FHIT: variants seen among roughly 807,000 people sequenced by gnomAD.
FHIT encodes the protein fragile histidine triad diadenosine triphosphatase.
FHIT carries 19 observed loss-of-function variants against 17.9 expected under a neutral mutation model. The observed-to-expected ratio is 1.06, with a 90% CI of 0.74 to 1.56. The LOEUF (loss-of-function observed/expected upper bound fraction) is 1.56, where lower values mean the gene tolerates loss of function less well. Among genes scored for constraint, FHIT ranks in the 40% most tolerant of loss-of-function variants. The pLI is 0.00. For synonymous variants in FHIT, 81 were observed against 69.7 expected, an observed-to-expected ratio of 1.16 and a Z score of -0.81; for missense variants, 248 against 189.2, an observed-to-expected ratio of 1.31 and a Z score of -1.82.
intron 5 of FHIT, among the ~76,000 whole-genome samples, chr3:60,291,510 C>T (rs1042091776): frequency 5.3e-5 from 8 of 152,122 alleles, no homozygotes; most frequent in African/African-American, 1.9e-4. Context: ...CCCCAGGTAG[C>T]CCTTTTCTGT....
At chr3:60,066,547 A>C (rs1056440325) in intron 5 of FHIT, among the ~76,000 whole-genome samples, 1 of 151,462 alleles carries the variant, frequency 6.6e-6, no homozygotes, top group Non-Finnish European at 1.5e-5. Context: ...CAAAACGCCA[A>C]CATAACTTCT....
rs564550234 is a variant in FHIT at position 61,142,990 on chromosome 3, A to AT, written c.-164+57626dup. On this transcript the variant is annotated intron_variant, in intron 2 of 9. Coordinates refer to ENST00000492590, the MANE Select transcript of FHIT (RefSeq NM_002012.4). ...TAAAATTGTGTTTCTTTACCAGGGA[A>AT]TTTTTTTTTATCTTTAGTAAATTTC... is the stretch of plus-strand genomic sequence containing the variant. Among the ~76,000 whole-genome samples the AT allele has an allele frequency of 7.2e-5, 11 of 151,872 alleles. No homozygotes were observed. The South Asian group carries it at 1.7e-3, about 23-fold the overall frequency.
At chr3:60,486,690 GT>G (rs1200356989) in intron 5 of FHIT, among the ~76,000 whole-genome samples, 1 of 152,100 alleles carries the variant, frequency 6.6e-6, no homozygotes, top group African/African-American at 2.4e-5. Context: ...CTTCAAAGAT[GT>G]ACTTTTGATG....
intron 5 of FHIT, among the ~76,000 whole-genome samples, chr3:60,453,713 T>A (rs408164): frequency 0.51 from 77,486 of 151,972 alleles, 22,319 homozygotes; most frequent in African/African-American, 0.78. Context: ...AGTTGTGAGG[T>A]TCAAATGAGA....
intron 5 of FHIT, among the ~76,000 whole-genome samples, chr3:60,516,997 A>G (rs952293300): frequency 1.3e-5 from 2 of 152,212 alleles, no homozygotes; most frequent in African/African-American, 4.8e-5. Context: ...ACATCCTTTC[A>G]AAACCCTTTC....
chr3:61,008,021 C>T (rs944796588), intron 3 of FHIT, among the ~76,000 whole-genome samples: 33 of 152,280 alleles, frequency 2.2e-4, no homozygotes, highest in African/African-American at 7.9e-4. Flanking sequence ...GAAACCACAA[C>T]CTTGGTAGCT....
At chr3:61,209,183 T>C (rs892642407) in intron 1 of FHIT, among the ~76,000 whole-genome samples, 1 of 152,192 alleles carries the variant, frequency 6.6e-6, no homozygotes, top group African/African-American at 2.4e-5. Flanking sequence ...TGCCGAGAGA[T>C]CCGCTGTTAG....
intron 3 of FHIT, among the ~76,000 whole-genome samples, chr3:60,961,874 C>G (rs1478964740): frequency 6.6e-6 from 1 of 152,140 alleles, no homozygotes; most frequent in African/African-American, 2.4e-5. Context: ...ATGCCTCTAG[C>G]TTTGTTCTTT....
At chr3:60,111,214 T>A (rs1256847839) in intron 5 of FHIT, among the ~76,000 whole-genome samples, 2 of 152,240 alleles carry the variant, frequency 1.3e-5, no homozygotes, top group Non-Finnish European at 2.9e-5. Context: ...GTTCAGAATT[T>A]AGATCAGTGT....
intron 4 of FHIT, among the ~76,000 whole-genome samples, chr3:60,615,923 TAAAG>T (rs1218794611): frequency 6.6e-6 from 1 of 152,198 alleles, no homozygotes; most frequent in East Asian, 1.9e-4. Context: ...GAAAAAGAGA[TAAAG>T]AAACTGTTCT....
intron 2 of FHIT, among the ~76,000 whole-genome samples, chr3:61,188,304 C>T (rs1426887105): frequency 6.6e-6 from 1 of 152,174 alleles, no homozygotes; most frequent in Non-Finnish European, 1.5e-5. Flanking sequence ...CTATAAACAC[C>T]TCTATGCAAA....
At chr3:60,543,068 A>G (rs1462314082) in intron 4 of FHIT, among the ~76,000 whole-genome samples, 2 of 152,106 alleles carry the variant, frequency 1.3e-5, no homozygotes, top group African/African-American at 4.8e-5. Flanking sequence ...TCAGAGCCAG[A>G]CGCTGTAGAA....
intron 8 of FHIT, among the ~76,000 whole-genome samples, chr3:59,757,473 G>A (rs73092692): frequency 0.15 from 22,885 of 152,074 alleles, 2,069 homozygotes; most frequent in African/African-American, 0.25. Flanking sequence ...TTATCACAAG[G>A]TATATGGGGT....
At chr3:60,496,748 A>G (rs1033792372) in intron 5 of FHIT, among the ~76,000 whole-genome samples, 5 of 152,152 alleles carry the variant, frequency 3.3e-5, no homozygotes, top group African/African-American at 1.2e-4. Flanking sequence ...AGGAATAGGA[A>G]ATTAATTTGT....
intron 4 of FHIT, among the ~76,000 whole-genome samples, chr3:60,589,784 GA>G (rs1452172913): frequency 6.6e-6 from 1 of 152,060 alleles, no homozygotes; most frequent in Non-Finnish European, 1.5e-5. Context: ...TTTTGATTGT[GA>G]TTTAATTTGC....
intron 4 of FHIT, among the ~76,000 whole-genome samples, chr3:60,769,677 G>A (rs1699975240): frequency 6.6e-6 from 1 of 152,208 alleles, no homozygotes. Flanking sequence ...ATTGGTTACA[G>A]CTCAGTGTTT....
intron 4 of FHIT, among the ~76,000 whole-genome samples, chr3:60,550,052 G>A (rs893304155): frequency 6.6e-6 from 1 of 151,966 alleles, no homozygotes; most frequent in African/African-American, 2.4e-5. Flanking sequence ...TAAACACTAG[G>A]GGCTCAATTG....
intron 3 of FHIT, among the ~76,000 whole-genome samples, chr3:61,026,028 C>G (rs746863927): frequency 2.0e-5 from 3 of 152,022 alleles, no homozygotes; most frequent in Non-Finnish European, 4.4e-5. Context: ...ATGTTAAAAT[C>G]TTGGTTCTCT....
chr3:60,555,115 T>C (rs1246662330), intron 4 of FHIT, among the ~76,000 whole-genome samples: 2 of 152,232 alleles, frequency 1.3e-5, no homozygotes, highest in Non-Finnish European at 2.9e-5. Flanking sequence ...CTTCCTTCAA[T>C]CCTGTTTATT....
Sources: gnomAD v4.1 joint callset for allele counts (sites outside exome capture counted in the v4.1 genomes callset) on GRCh38, gnomAD v4.1.1 for gene constraint, MANE v1.5 for transcripts, NCBI Gene and HGNC (gene_info 2026-07-23, HGNC 2026-07-21) for gene names.